The following RALGAPB variants were observed in gnomAD, a reference collection of about 807,000 sequenced individuals.
The protein encoded by RALGAPB is Ral GTPase activating protein non-catalytic subunit beta, also known as ral GTPase-activating protein subunit beta.
In RALGAPB, 25 loss-of-function variants were observed where a neutral mutation model predicts 161.1. That is an observed-to-expected ratio of 0.16 (90% CI 0.11 to 0.22). The LOEUF (loss-of-function observed/expected upper bound fraction) is 0.22. Ranked by LOEUF, RALGAPB falls within the 10% of genes least tolerant of loss-of-function variation. RALGAPB has a pLI of 1.00. For missense variants in RALGAPB, 1,391 were observed against 1,815.2 expected (o/e 0.77, Z 4.25); for synonymous variants, 629 against 626.1 (o/e 1.00, Z -0.07).
chr20:38,546,425 A>G lies in RALGAPB; in HGVS notation c.2897A>G (p.Glu966Gly), dbSNP rs759432398. Residue 966 changes from glutamate (E) to glycine (G), a missense_variant, in exon 19 of 30, where the codon GAG (glutamate) becomes GGG (glycine). Physicochemically the swap from Glu to Gly is moderately conservative, Grantham distance 98. Transcript: ENST00000262879. ...ATGCTGGAACAACCTCTTGGAAATG[A>G]GCAGAGTAAGTTTATAGTACTTTGA... ...LAMLEQPLGN[E>G]QNDFFPSVTV... The G allele has an allele frequency of 6.2e-7, 1 of 1,614,014 alleles. No individual in the cohort carries two copies. Among genetic ancestry groups the G allele is most frequent in the Non-Finnish European group, 8.5e-7 (1 of 1,179,918 alleles).
chr20:38,549,528 CTAAT>C (rs2087288658), intron 20 of RALGAPB, among the ~76,000 whole-genome samples: 1 of 140,730 alleles, frequency 7.1e-6, no homozygotes, highest in South Asian at 2.2e-4. Flanking sequence ...CACACCCAGC[CTAAT>C]TAAAAAAAAA....
intron 16 of RALGAPB, among the ~76,000 whole-genome samples, chr20:38,539,256 G>GAGGA (rs2086897034): frequency 1.3e-5 from 2 of 152,308 alleles, no homozygotes; most frequent in East Asian, 3.9e-4. Flanking sequence ...AGAGGAGTGG[G>GAGGA]AGGAAGGATT....
chr20:38,570,170 A>T (rs2088179557), intron 27 of RALGAPB, among the ~76,000 whole-genome samples, 174 bp downstream of exon 27: 1 of 151,942 alleles, frequency 6.6e-6, no homozygotes, highest in African/African-American at 2.4e-5. Flanking sequence ...GCCTTAGATT[A>T]CTCCTCTGTT....
At chr20:38,546,743 CCCCTCTGCTCCCCT>C (rs2087178318) in intron 19 of RALGAPB, 1 of 295,812 alleles carries the variant, frequency 3.4e-6, no homozygotes, top group African/African-American at 2.2e-5. Context: ...TCGGATCCTG[CCCCTCTGCTCCCCT>C]CCCTCTCACT....
At position 38,528,516 on chromosome 20, in the gene RALGAPB, G is replaced by A. The variant is rs150949351; in HGVS notation, c.2050+2474G>A. On this transcript the variant is annotated intron_variant, in intron 13 of 29. Coordinates refer to ENST00000262879, the MANE Select transcript of RALGAPB (RefSeq NM_020336.4). Reference sequence around the variant, plus strand: ...CTCTGAAGTAGCTGGGACCACAGGCGTGTGCCACCACACCTGGCTAATTTT... The same window carrying A: ...CTCTGAAGTAGCTGGGACCACAGGCATGTGCCACCACACCTGGCTAATTTT... Among the ~76,000 whole-genome samples, 65 of 151,822 alleles carry A rather than the reference G, an allele frequency of 4.3e-4. No individual in the cohort carries two copies. In the East Asian group the frequency reaches 7.5e-3, roughly 18 times the overall value.
chr20:38,527,359 A>G (rs1364584038), intron 13 of RALGAPB, among the ~76,000 whole-genome samples: 1 of 152,206 alleles, frequency 6.6e-6, no homozygotes, highest in African/African-American at 2.4e-5. Flanking sequence ...ATGGGTCACA[A>G]CGGCCAAGAA....
chr20:38,506,722 A>T (rs865990934), intron 5 of RALGAPB, among the ~76,000 whole-genome samples: 1 of 152,188 alleles, frequency 6.6e-6, no homozygotes, highest in Non-Finnish European at 1.5e-5. Context: ...TGTATTTCCT[A>T]TAAACTGGTA....
At chr20:38,507,978 GTAAT>G (rs755407631) in intron 5 of RALGAPB, among the ~76,000 whole-genome samples, 2 of 151,906 alleles carry the variant, frequency 1.3e-5, no homozygotes, top group Non-Finnish European at 2.9e-5. Flanking sequence ...AGAATATTAA[GTAAT>G]TAAGTTGTTG....
intron 17 of RALGAPB, among the ~76,000 whole-genome samples, 179 bp downstream of exon 17, chr20:38,540,137 T>C (rs1375002209): frequency 6.6e-6 from 1 of 152,238 alleles, no homozygotes; most frequent in African/African-American, 2.4e-5. Flanking sequence ...GTCATTTTGC[T>C]TATATTTGGT....
chr20:38,516,604 C>G (rs1041256161), intron 7 of RALGAPB: 5 of 418,322 alleles, frequency 1.2e-5, no homozygotes, highest in African/African-American at 1.0e-4. Flanking sequence ...AAAAGTAATG[C>G]GGCCAAAACT....
Position 38,575,177 on chromosome 20 carries a change from G to T in RALGAPB, c.*210G>T, listed in dbSNP as rs192310800. The T allele has an allele frequency of 8.2e-4, 421 of 516,078 alleles. 1 individual carries two copies. The Admixed American group carries it at 0.013, about 16-fold the overall frequency. 32.0% of individuals were successfully genotyped at this position (516,078 alleles called of 1,614,324 possible). On this transcript the variant is annotated 3_prime_UTR_variant, in exon 30 of 30. Transcript: ENST00000262879. The stretch of plus-strand genomic sequence containing the variant: ...GGCTCCCAGACACAATCACACTCCT[G>T]CTGATAATGATGATATACATTTTAG...
At chr20:38,524,751 T>A (rs767494091) in intron 10 of RALGAPB, 27 bp from the exon 11 acceptor site, 1 of 1,539,958 alleles carries the variant, frequency 6.5e-7, no homozygotes, top group South Asian at 1.1e-5. Context: ...CAGCAGTTTG[T>A]TTAAAATTTT....
intron 19 of RALGAPB, chr20:38,546,704 C>G (rs1027062469): frequency 6.8e-5 from 26 of 381,672 alleles, no homozygotes; most frequent in Middle Eastern, 1.6e-3. Context: ...TGTTGTTTAT[C>G]TTTGTCACTT....
At chr20:38,483,812 A>G (rs1432075280) in intron 1 of RALGAPB, among the ~76,000 whole-genome samples, 1 of 152,122 alleles carries the variant, frequency 6.6e-6, no homozygotes, top group Admixed American at 6.6e-5. Flanking sequence ...TGGCTCCTGA[A>G]AGTAACGTTC....
At chr20:38,518,195 A>G (rs753994807) in intron 9 of RALGAPB, among the ~76,000 whole-genome samples, 195 bp downstream of exon 9, 17 of 152,090 alleles carry the variant, frequency 1.1e-4, no homozygotes, top group Non-Finnish European at 2.4e-4. Flanking sequence ...CTTTTTATGT[A>G]TGTTCTATGA....
At position 38,558,361 on chromosome 20, in the gene RALGAPB, G is replaced by T. The variant is rs199543640; in HGVS notation, c.3439G>T (p.Asp1147Tyr). 2.2e-4 allele frequency: 357 copies of T among 1,607,184 alleles called. 1 individual carries two copies. Among genetic ancestry groups the T allele is most frequent in the Admixed American group, 4.9e-4 (29 of 59,492 alleles). ...ALDSTIPGFF[D>Y]DIGYLDLLPC... ...TGATTCCACGATACCTGGATTTTTT[G>T]ATGACATTGGGTATCTGGATCTCTT... Residue 1147 changes from aspartate (D) to tyrosine (Y), a missense_variant, in exon 23 of 30, where the codon GAT becomes TAT. Around this residue, in one of 3 missense-constraint regions of RALGAPB, gnomAD observed 436 missense variants for 527.0 expected, o/e 0.83. Transcript: ENST00000262879.
intron 2 of RALGAPB, among the ~76,000 whole-genome samples, chr20:38,491,456 T>G (rs2085278161): frequency 6.6e-6 from 1 of 152,222 alleles, no homozygotes; most frequent in Non-Finnish European, 1.5e-5. Flanking sequence ...TCTTGACCAG[T>G]TGTAAATCTA....
chr20:38,506,921 A>G (rs1432154396), intron 5 of RALGAPB, among the ~76,000 whole-genome samples: 2 of 152,210 alleles, frequency 1.3e-5, no homozygotes, highest in African/African-American at 4.8e-5. Context: ...TAATTCTAGT[A>G]TATCACAGAG....
Position 38,564,880 on chromosome 20 carries a change from C to T in RALGAPB, c.3698-479C>T, listed in dbSNP as rs762873084. Among the ~76,000 whole-genome samples, 5 of 151,456 alleles carry T rather than the reference C, an allele frequency of 3.3e-5. No individual in the cohort carries two copies. The East Asian group carries it at 5.8e-4, about 18-fold the overall frequency. The stretch of plus-strand genomic sequence containing the variant: ...CTCTGTCTCTTCCTCCCTCCTCCTC[C>T]TCTTCCTCCTCCTCTTTTCCTCCTC... On this transcript the variant is annotated intron_variant, in intron 24 of 29. Transcript: ENST00000262879.
Sources: gnomAD v4.1 joint callset for allele counts (sites outside exome capture counted in the v4.1 genomes callset) on GRCh38, gnomAD v4.1.1 for gene constraint, gnomAD v4.1.1 regional missense constraint, MANE v1.5 for transcripts, NCBI Gene and HGNC (gene_info 2026-07-23, HGNC 2026-07-21) for gene names.